The following ZC3H12B variants were observed in gnomAD, a reference collection of about 807,000 sequenced individuals.
The protein encoded by ZC3H12B is zinc finger CCCH-type containing 12B, also known as probable ribonuclease ZC3H12B.
ZC3H12B carries 7 observed loss-of-function variants against 43.9 expected under a neutral mutation model. The observed-to-expected ratio is 0.16, with a 90% confidence interval of 0.09 to 0.30. The LOEUF is 0.30. Ranked by LOEUF, ZC3H12B falls within the 10% of genes least tolerant of loss-of-function variation. The pLI is 1.00. For missense variants in ZC3H12B, 475 were observed against 670.2 expected (o/e 0.71, Z 3.22); for synonymous variants, 222 against 241.7 (o/e 0.92, Z 0.76).
At position 65,502,486 on chromosome X, in the gene ZC3H12B, C is replaced by G. The variant is rs376612789; in HGVS notation, c.1788C>G (p.Ser596=). ...GCCATACCAGGAATGACAACTATTC[C>G]TCTTACAACAACGTGTATTTGGCTG... The change falls in exon 5 of 5, where the codon TCC becomes TCG. Residue 596 remains serine (S), a synonymous_variant. Transcript: ENST00000338957. 346 of 1,208,869 alleles carry G rather than the reference C, an allele frequency of 2.9e-4. 1 individual carries two copies. The highest frequency in any genetic ancestry group is 4.6e-4 in the Admixed American group (21 of 45,660).
chrX:65,065,218 T>C, the ZC3H12B span, among the ~76,000 whole-genome samples: 1 of 110,961 alleles, frequency 9.0e-6, no homozygotes, highest in African/African-American at 3.3e-5. Context: ...CATTAATTGA[T>C]GCAGTTTCTT....
At chrX:65,451,534 G>C (rs563954609) in intron 3 of ZC3H12B, among the ~76,000 whole-genome samples, 6 of 110,797 alleles carry the variant, frequency 5.4e-5, no homozygotes, top group African/African-American at 1.6e-4. Flanking sequence ...AGATATGGAG[G>C]TATCACTATG....
At chrX:65,310,302 G>A in the ZC3H12B span, among the ~76,000 whole-genome samples, 1 of 111,938 alleles carries the variant, frequency 8.9e-6, no homozygotes, top group Non-Finnish European at 1.9e-5. Context: ...CTTCAGCAAA[G>A]TCTCAGGATA....
At chrX:65,485,494 G>A (rs1045676662), upstream of ZC3H12B, among the ~76,000 whole-genome samples, 4 of 112,452 alleles carry the variant, frequency 3.6e-5, no homozygotes, top group African/African-American at 9.7e-5. Flanking sequence ...GGGCTCAAGC[G>A]ATCCTCCTGC....
At chrX:65,334,062 A>G in the ZC3H12B span, among the ~76,000 whole-genome samples, 2 of 112,196 alleles carry the variant, frequency 1.8e-5, no homozygotes, top group Admixed American at 1.9e-4. Flanking sequence ...CCATTGCATT[A>G]GTGTACTATT....
chrX:65,330,733 C>A, the ZC3H12B span: 3 of 123,216 alleles, frequency 2.4e-5, no homozygotes, highest in African/African-American at 6.4e-5. Flanking sequence ...GTTGAACAAG[C>A]CTTGCATCCC....
At chrX:65,118,251 G>C in the ZC3H12B span, among the ~76,000 whole-genome samples, 2 of 111,580 alleles carry the variant, frequency 1.8e-5, no homozygotes, top group Admixed American at 1.9e-4. Flanking sequence ...GCAGTGGTTT[G>C]TAGTTCTCCT....
chrX:65,173,123 A>C, the ZC3H12B span, among the ~76,000 whole-genome samples: 2 of 111,521 alleles, frequency 1.8e-5, no homozygotes, highest in Non-Finnish European at 3.8e-5. Context: ...GTTCTCTTTG[A>C]AGACGTCCTT....
the ZC3H12B span, among the ~76,000 whole-genome samples, chrX:65,226,054 A>G: frequency 2.7e-5 from 3 of 111,348 alleles, no homozygotes; most frequent in Non-Finnish European, 5.7e-5. Flanking sequence ...AAGAAGAGCA[A>G]CTCCAAGACA....
intron 3 of ZC3H12B, among the ~76,000 whole-genome samples, chrX:65,423,585 G>A (rs1180169574): frequency 8.9e-6 from 1 of 112,280 alleles, no homozygotes; most frequent in Non-Finnish European, 1.9e-5. Flanking sequence ...TTATGGTTTT[G>A]ATTTGCATTT....
At chrX:65,439,687 G>C (rs918236847) in intron 3 of ZC3H12B, among the ~76,000 whole-genome samples, 1 of 112,144 alleles carries the variant, frequency 8.9e-6, no homozygotes, top group African/African-American at 3.2e-5. Flanking sequence ...ACTCATGGCA[G>C]TGGTGATAAC....
At chrX:65,157,361 ACTTT>A in the ZC3H12B span, among the ~76,000 whole-genome samples, 1 of 112,260 alleles carries the variant, frequency 8.9e-6, no homozygotes, top group African/African-American at 3.2e-5. Flanking sequence ...AGCCTTCCTT[ACTTT>A]CTAATATAAA....
chrX:65,251,790 C>A, the ZC3H12B span, among the ~76,000 whole-genome samples: 2 of 111,329 alleles, frequency 1.8e-5, no homozygotes, highest in East Asian at 5.6e-4. Context: ...GATTTTGTAT[C>A]CTGAGACTTT....
the ZC3H12B span, among the ~76,000 whole-genome samples, chrX:65,169,373 G>A: frequency 1.8e-5 from 2 of 111,979 alleles, no homozygotes; most frequent in Non-Finnish European, 3.8e-5. Context: ...CTGAGTTCTA[G>A]TTTGATTGCA....
At chrX:65,159,575 G>T in the ZC3H12B span, among the ~76,000 whole-genome samples, 6 of 111,725 alleles carry the variant, frequency 5.4e-5, no homozygotes, top group African/African-American at 1.3e-4. Context: ...TCTGTTATTG[G>T]TGTGTAAGAA....
chrX:65,226,366 A>T, the ZC3H12B span, among the ~76,000 whole-genome samples: 2 of 111,655 alleles, frequency 1.8e-5, no homozygotes, highest in African/African-American at 3.3e-5. Flanking sequence ...GAGCGCCTGA[A>T]GGAAGCAATA....
the ZC3H12B span, among the ~76,000 whole-genome samples, chrX:65,237,502 T>C: frequency 9.0e-6 from 1 of 111,134 alleles, no homozygotes; most frequent in African/African-American, 3.3e-5. Flanking sequence ...GATTATGTCA[T>C]CTGCAAACAG....
chrX:65,132,981 G>T, the ZC3H12B span, among the ~76,000 whole-genome samples: 2 of 111,302 alleles, frequency 1.8e-5, no homozygotes, highest in African/African-American at 6.5e-5. Context: ...AGTGGCTGCC[G>T]GGTGAGTTGG....
chrX:65,396,078 T>C (rs2066693031), intron 2 of ZC3H12B, among the ~76,000 whole-genome samples: 1 of 111,628 alleles, frequency 9.0e-6, no homozygotes, highest in Admixed American at 9.5e-5. Context: ...CTTCTCTCTT[T>C]TCTTCTTTAT....
Sources: gnomAD v4.1 joint callset for allele counts (sites outside exome capture counted in the v4.1 genomes callset) on GRCh38, gnomAD v4.1.1 for gene constraint, MANE v1.5 for transcripts, NCBI Gene and HGNC (gene_info 2026-07-23, HGNC 2026-07-21) for gene names.